The following FBN3 variants were observed in gnomAD, a reference collection of about 807,000 sequenced individuals.
FBN3 encodes the protein fibrillin 3.
FBN3 carries 234 observed loss-of-function variants against 330.1 expected under a neutral mutation model. That is an observed-to-expected ratio of 0.71 (90% CI 0.64 to 0.79). FBN3 has a LOEUF of 0.79. Among genes scored for constraint, FBN3 ranks in the 30% least tolerant of loss-of-function variants. The pLI is 0.00. For synonymous variants in FBN3, 1,458 were observed against 1,517.3 expected, an observed-to-expected ratio of 0.96 and a Z score of 0.91; for missense variants, 3,606 against 3,886.9, an observed-to-expected ratio of 0.93 and a Z score of 1.92.
At chr19:8,080,812 G>T (rs2081760866) in intron 59 of FBN3, among the ~76,000 whole-genome samples, 191 bp downstream of exon 59, 1 of 152,018 alleles carries the variant, frequency 6.6e-6, no homozygotes. Context: ...AGTAGAGACG[G>T]GTTTTCACCA....
chr19:8,111,046 G>A lies in FBN3; in HGVS notation c.4210+12C>T, dbSNP rs1187912024. 8 of 1,612,918 alleles carry A rather than the reference G, an allele frequency of 5.0e-6. No individual in the cohort carries two copies. In the African/African-American group the frequency reaches 1.1e-4, roughly 22 times the overall value. ...CCCACTCTGTCCTCTGCCCTGGCGGGCCCAACCTTACCCTGGCAGGCCCGG... is the reference window on the plus strand; with the variant it reads ...CCCACTCTGTCCTCTGCCCTGGCGGACCCAACCTTACCCTGGCAGGCCCGG... On this transcript the variant is annotated intron_variant, in intron 33 of 63. Coordinates refer to ENST00000600128, the MANE Select transcript of FBN3 (RefSeq NM_032447.5).
intron 41 of FBN3, among the ~76,000 whole-genome samples, chr19:8,098,015 C>T (rs1313092293): frequency 6.6e-6 from 1 of 152,206 alleles, no homozygotes; most frequent in Non-Finnish European, 1.5e-5. Context: ...CTAATAGGCA[C>T]AGGGTTTACT....
chr19:8,126,340 G>C lies in FBN3; in HGVS notation c.2562C>G (p.Ala854=). 1 of 1,590,656 alleles carries C rather than the reference G, an allele frequency of 6.3e-7. No individual in the cohort carries two copies. Among genetic ancestry groups the C allele is most frequent in the Non-Finnish European group, 8.5e-7 (1 of 1,170,332 alleles). ...SPCERCEIDP[A]CARGFARMTG... is the part of the protein sequence containing the mutation. ...TCATCCGGGCAAAGCCCCGGGCACA[G>C]GCAGGGTCTGCAACTGGGAGAACAA... Residue 854 remains alanine (A), a synonymous_variant, in exon 21 of 64, where the codon GCC becomes GCG. Coordinates refer to ENST00000600128, the MANE Select transcript of FBN3 (RefSeq NM_032447.5).
Position 8,065,806 on chromosome 19 carries a change from C to G in FBN3, c.*113G>C. 1.1e-6 allele frequency: 1 copy of G among 925,618 alleles called. No individual in the cohort carries two copies. The highest frequency in any genetic ancestry group is 1.6e-6 in the Non-Finnish European group (1 of 618,874). 57.3% of individuals were successfully genotyped at this position (925,618 alleles called of 1,614,324 possible). A position where few individuals can be genotyped will look rare whatever the true frequency, so the allele number is the denominator to read the frequency against. On this transcript the variant is annotated 3_prime_UTR_variant, in exon 64 of 64. Transcript: ENST00000600128. ...TGAGGTTGTCGTGTAGCATTTCACTCTTCCTGAGTTTCGGGGTTCAATCTG... is the reference window on the plus strand; with the variant it reads ...TGAGGTTGTCGTGTAGCATTTCACTGTTCCTGAGTTTCGGGGTTCAATCTG...
At chr19:8,139,684 C>T (rs1051917271) in intron 8 of FBN3, among the ~76,000 whole-genome samples, 2 of 151,954 alleles carry the variant, frequency 1.3e-5, no homozygotes, top group African/African-American at 4.8e-5. Context: ...CAGACAGGCT[C>T]CCCAGGTATG....
chr19:8,071,850 A>AC (rs34243008), intron 63 of FBN3, among the ~76,000 whole-genome samples, 198 bp downstream of exon 63: 10 of 151,168 alleles, frequency 6.6e-5, no homozygotes, highest in South Asian at 6.3e-4. Context: ...TCCCCCAGAG[A>AC]CCCCCCCCAA....
At chr19:8,069,538 T>C (rs554073242) in intron 63 of FBN3, among the ~76,000 whole-genome samples, 1 of 152,304 alleles carries the variant, frequency 6.6e-6, no homozygotes, top group East Asian at 1.9e-4. Context: ...TTAAGACTTA[T>C]GCTCTTACTG....
chr19:8,107,466 C>A (rs1470909265), intron 37 of FBN3, among the ~76,000 whole-genome samples: 1 of 119,750 alleles, frequency 8.4e-6, no homozygotes, highest in Non-Finnish European at 1.7e-5. Flanking sequence ...GATGGATGGT[C>A]GAGTGGAAGG....
At chr19:8,123,760 G>A (rs2082910373) in intron 23 of FBN3, 24 bp downstream of exon 23, 2 of 1,611,184 alleles carry the variant, frequency 1.2e-6, no homozygotes, top group African/African-American at 1.3e-5. Context: ...CCTTCCAGGG[G>A]CCTGACCCCT....
rs3813774 is a variant in FBN3 at position 8,131,615 on chromosome 19, G to A, written c.1929C>T (p.Cys643=). The change falls in exon 15 of 64, where the codon TGC becomes TGT. Residue 643 remains cysteine (C), a synonymous_variant. Transcript: ENST00000600128. The surrounding 1 kb of genome is among the most constrained non-coding windows in gnomAD (Gnocchi z 4.5). ...FPGTVTKSEC[C]CANPDHGFGE... ...CAAAACCGTGGTCCGGATTGGCACA[G>A]CAGCACTCGGACTTGGTGACAGTGC... is the stretch of plus-strand genomic sequence containing the variant. 115,403 of 1,614,004 alleles carry A rather than the reference G, an allele frequency of 0.072. 5,623 individuals carry two copies. Among genetic ancestry groups the A allele is most frequent in the East Asian group, 0.24 (10,824 of 44,858 alleles).
intron 56 of FBN3, among the ~76,000 whole-genome samples, chr19:8,083,949 C>T (rs2081872371): frequency 6.6e-6 from 1 of 151,908 alleles, no homozygotes. Flanking sequence ...ACTACAGGCA[C>T]CTGCCACCAC....
chr19:8,148,328 G>A (rs1368937806), intron 1 of FBN3, among the ~76,000 whole-genome samples: 1 of 152,086 alleles, frequency 6.6e-6, no homozygotes, highest in Non-Finnish European at 1.5e-5. Flanking sequence ...CCTGGGCAGG[G>A]GGCCCAGGCA....
At chr19:8,069,416 G>A (rs1478369289) in intron 63 of FBN3, among the ~76,000 whole-genome samples, 1 of 152,110 alleles carries the variant, frequency 6.6e-6, no homozygotes, top group Non-Finnish European at 1.5e-5. Flanking sequence ...TGTTGGTTTG[G>A]CCTCATTTAC....
At chr19:8,135,936 G>GGGGGGGGGGGGGGGGGGCGCCCCCCCC in intron 13 of FBN3, 25 bp downstream of exon 13, 1 of 668,778 alleles carries the variant, frequency 1.5e-6, no homozygotes, top group Non-Finnish European at 2.4e-6. Context: ...GGAAGCCCCT[G>GGGGGGGGGGGGGGGGGGCGCCCCCCCC]CCCACCCGCC....
intron 5 of FBN3, among the ~76,000 whole-genome samples, chr19:8,145,373 CAAAAAAAAAAA>C (rs55926242): frequency 2.9e-4 from 25 of 86,350 alleles, no homozygotes; most frequent in Non-Finnish European, 3.1e-4. Flanking sequence ...AACTCCATCT[CAAAAAAAAAAA>C]AAAAAAAAAA....
intron 38 of FBN3, among the ~76,000 whole-genome samples, chr19:8,105,331 C>G (rs1820364401): frequency 6.6e-6 from 1 of 151,226 alleles, no homozygotes; most frequent in Non-Finnish European, 1.5e-5. Context: ...AATCACGGCT[C>G]ACTGCAGCCT....
intron 51 of FBN3, among the ~76,000 whole-genome samples, chr19:8,088,936 G>C (rs534028420): frequency 7.7e-4 from 117 of 152,100 alleles, no homozygotes; most frequent in African/African-American, 2.6e-3. Context: ...ATGAGGGAGT[G>C]ATTGAATGAA....
rs2081389349 is a variant in FBN3, at chr19:8,066,280, G to A, written c.8089-20C>T. On this transcript the variant is annotated intron_variant, in intron 63 of 63. Coordinates refer to ENST00000600128, the MANE Select transcript of FBN3 (RefSeq NM_032447.5). ...GTTCACCTGGGAAGAAAGGCCAGGT[G>A]TGTGGTCAGAGCCCAGGAGAATCGG... 1.3e-6 allele frequency: 2 copies of A among 1,503,128 alleles called. No homozygotes were observed. Among genetic ancestry groups the A allele is most frequent in the African/African-American group, 1.4e-5 (1 of 71,600 alleles). The allele number at this position is 1,503,128 out of a possible 1,614,324, so 93.1% of individuals were successfully genotyped here. A position where few individuals can be genotyped will look rare whatever the true frequency, so the allele number is the denominator to read the frequency against.
chr19:8,135,028 G>C (rs2083246746), intron 13 of FBN3, among the ~76,000 whole-genome samples: 1 of 151,122 alleles, frequency 6.6e-6, no homozygotes, highest in Non-Finnish European at 1.5e-5. Flanking sequence ...ACCTAGGCTA[G>C]AGTGCAGTGA....
Sources: gnomAD v4.1 joint callset for allele counts (sites outside exome capture counted in the v4.1 genomes callset) on GRCh38, gnomAD v4.1.1 for gene constraint, Gnocchi (gnomAD v3.1) non-coding constraint, MANE v1.5 for transcripts, NCBI Gene and HGNC (gene_info 2026-07-23, HGNC 2026-07-21) for gene names.